Variants in SETBP1 observed in about 807,000 individuals in gnomAD.
SETBP1 encodes SET binding protein 1.
A neutral mutation model predicts 101.0 loss-of-function variants in SETBP1; 9 were observed. The ratio of observed to expected loss-of-function variants is 0.09; its 90% CI spans 0.05 to 0.16. The LOEUF is 0.16. SETBP1 is among the 10% of genes least tolerant of loss of function. The probability of loss-of-function intolerance (pLI) is 1.00; values close to 1 mark genes in which losing one functional copy is unlikely to be tolerated. For synonymous variants in SETBP1, 818 were observed against 788.5 expected (o/e 1.04, Z -0.63); for missense variants, 1,858 against 2,033.8 (o/e 0.91, Z 1.66).
chr18:44,902,371 C>T (rs924370453), intron 3 of SETBP1, among the ~76,000 whole-genome samples: 2 of 151,550 alleles, frequency 1.3e-5, no homozygotes, highest in Admixed American at 6.6e-5. Context: ...AATATTGTTT[C>T]ATGTATGTAC....
intron 4 of SETBP1, among the ~76,000 whole-genome samples, chr18:44,961,877 G>A (rs1232320429): frequency 2.0e-5 from 3 of 152,186 alleles, no homozygotes; most frequent in East Asian, 1.9e-4. Context: ...TCACAAGTTC[G>A]AATAAATGGT....
intron 2 of SETBP1, among the ~76,000 whole-genome samples, chr18:44,792,151 A>G (rs901299335): frequency 2.6e-5 from 4 of 152,192 alleles, no homozygotes; most frequent in African/African-American, 9.7e-5. Flanking sequence ...AAATAGCAGC[A>G]TTTAAAATTG....
intron 2 of SETBP1, among the ~76,000 whole-genome samples, chr18:44,736,750 A>G (rs2069977694): frequency 6.6e-6 from 1 of 152,228 alleles, no homozygotes; most frequent in Non-Finnish European, 1.5e-5. Flanking sequence ...CCCACAGTGC[A>G]CTTAGAATAC....
chr18:44,740,109 T>C (rs2070063495), intron 2 of SETBP1, among the ~76,000 whole-genome samples: 1 of 152,164 alleles, frequency 6.6e-6, no homozygotes, highest in Non-Finnish European at 1.5e-5. Flanking sequence ...TGGCCTTGAA[T>C]CTGCAGGTGC....
intron 3 of SETBP1, among the ~76,000 whole-genome samples, chr18:44,912,676 T>C (rs563518943): frequency 1.3e-5 from 2 of 152,112 alleles, no homozygotes; most frequent in Middle Eastern, 3.4e-3. Context: ...CTCAGCCTCC[T>C]AAAGTGCTGG....
intron 4 of SETBP1, among the ~76,000 whole-genome samples, chr18:44,976,408 A>G (rs2071989778): frequency 6.6e-6 from 1 of 152,222 alleles, no homozygotes; most frequent in Non-Finnish European, 1.5e-5. Context: ...AGAAAAAGCC[A>G]GTATTAAAAA....
chr18:44,916,057 C>T (rs1012590936), intron 3 of SETBP1, among the ~76,000 whole-genome samples: 7 of 152,062 alleles, frequency 4.6e-5, no homozygotes, highest in Non-Finnish European at 7.4e-5. Flanking sequence ...GAAAGCCCAT[C>T]TCTACTAAAA....
chr18:44,985,785 A>G (rs1013585315), intron 4 of SETBP1, among the ~76,000 whole-genome samples: 1 of 152,184 alleles, frequency 6.6e-6, no homozygotes, highest in Non-Finnish European at 1.5e-5. Context: ...ACCTTTAGCC[A>G]GCTACATTGC....
At chr18:44,712,805 G>C (rs1256243507) in intron 2 of SETBP1, among the ~76,000 whole-genome samples, 1 of 152,066 alleles carries the variant, frequency 6.6e-6, no homozygotes, top group Non-Finnish European at 1.5e-5. Context: ...GTGAGAATCA[G>C]GCATCTGGTC....
intron 4 of SETBP1, among the ~76,000 whole-genome samples, chr18:44,990,705 A>G (rs2072350051): frequency 6.6e-6 from 1 of 152,078 alleles, no homozygotes; most frequent in Non-Finnish European, 1.5e-5. Flanking sequence ...AACACTAAAA[A>G]TAATGTTCAA....
In SETBP1 at chr18:44,949,981, G is replaced by A; in HGVS notation, c.641G>A (p.Ser214Asn). Residue 214 changes from serine (S) to asparagine (N), a missense_variant, in exon 4 of 6, where the codon AGC becomes AAC. Physicochemically the swap from Ser to Asn is conservative, Grantham distance 46. Coordinates refer to ENST00000649279, the MANE Select transcript of SETBP1 (RefSeq NM_015559.3). ...DTLKPKHQQK[S>N]SSQNHMDWST... is the part of the protein sequence containing the mutation. ...TTAAAACCAAAGCACCAGCAAAAAAGCAGCAGCCAGAACCACATGGACTGG... is the reference window on the plus strand; with the variant it reads ...TTAAAACCAAAGCACCAGCAAAAAAACAGCAGCCAGAACCACATGGACTGG... 6.2e-7 allele frequency: 1 copy of A among 1,614,132 alleles called. No homozygotes were observed. The highest frequency in any genetic ancestry group is 8.5e-7 in the Non-Finnish European group (1 of 1,180,030).
intron 1 of SETBP1, among the ~76,000 whole-genome samples, chr18:44,687,867 C>T (rs1006162950): frequency 6.6e-6 from 1 of 152,092 alleles, no homozygotes; most frequent in African/African-American, 2.4e-5. Context: ...GTGTCCTCTC[C>T]ATCCCCATAG....
intron 4 of SETBP1, 24 bp downstream of exon 4, chr18:44,953,364 T>C (rs1401391602): frequency 6.3e-7 from 1 of 1,597,424 alleles, no homozygotes; most frequent in East Asian, 2.2e-5. Context: ...TCTTCAGAAA[T>C]GGATTATCAA....
intron 2 of SETBP1, among the ~76,000 whole-genome samples, chr18:44,842,353 A>G (rs558472305): frequency 1.3e-5 from 2 of 152,288 alleles, no homozygotes; most frequent in East Asian, 1.9e-4. Context: ...TGAACCATTT[A>G]CTTCCTCTTT....
At chr18:44,868,647 A>T (rs562016153) in intron 2 of SETBP1, among the ~76,000 whole-genome samples, 1 of 150,332 alleles carries the variant, frequency 6.7e-6, no homozygotes, top group Non-Finnish European at 1.5e-5. Context: ...GTTAGCCAAG[A>T]TCATGCCACT....
intron 4 of SETBP1, 85 bp downstream of exon 4, chr18:44,953,425 G>A (rs2071413084): frequency 2.4e-6 from 3 of 1,230,832 alleles, no homozygotes; most frequent in Non-Finnish European, 3.5e-6. Context: ...GGCACATTGT[G>A]TTCACTAGTT....
chr18:44,709,048 T>C (rs2144252480), intron 2 of SETBP1, among the ~76,000 whole-genome samples: 1 of 152,342 alleles, frequency 6.6e-6, no homozygotes, highest in South Asian at 2.1e-4. Context: ...GTTCCGTAAA[T>C]ATATTTTGGG....
At chr18:44,984,313 A>C (rs2072181873) in intron 4 of SETBP1, among the ~76,000 whole-genome samples, 1 of 152,178 alleles carries the variant, frequency 6.6e-6, no homozygotes, top group Non-Finnish European at 1.5e-5. Flanking sequence ...GGTGCGGAGA[A>C]GGGAGGATAA....
intron 2 of SETBP1, 101 bp from the exon 3 acceptor site, chr18:44,869,129 C>T: frequency 2.9e-6 from 3 of 1,046,894 alleles, no homozygotes; most frequent in Non-Finnish European, 4.5e-6. Flanking sequence ...TTCTGTAGCT[C>T]TCATCCAGGC....
Sources: gnomAD v4.1 joint callset for allele counts (sites outside exome capture counted in the v4.1 genomes callset) on GRCh38, gnomAD v4.1.1 for gene constraint, MANE v1.5 for transcripts, NCBI Gene and HGNC (gene_info 2026-07-23, HGNC 2026-07-21) for gene names.